MBNL1: variants seen among roughly 807,000 people sequenced by gnomAD.
MBNL1 encodes the protein muscleblind-like protein 1.
In MBNL1, 8 loss-of-function variants were observed where a neutral mutation model predicts 42.2. The observed-to-expected ratio is 0.19, with a 90% CI of 0.11 to 0.34. The LOEUF is 0.34. MBNL1 is among the 10% of genes least tolerant of loss of function. MBNL1 has a pLI of 1.00. For synonymous variants in MBNL1, 169 were observed against 173.9 expected (o/e 0.97, Z 0.22); for missense variants, 309 against 495.3 (o/e 0.62, Z 3.57).
intron 2 of MBNL1, among the ~76,000 whole-genome samples, chr3:152,325,087 G>GCCCC (rs532842950): frequency 1.1e-3 from 17 of 15,374 alleles, no homozygotes; most frequent in African/African-American, 2.1e-3. Flanking sequence ...CCACATACCC[G>GCCCC]CCCCCCCCCG....
At chr3:152,424,065 G>T (rs1473420225) in intron 3 of MBNL1, among the ~76,000 whole-genome samples, 1 of 152,200 alleles carries the variant, frequency 6.6e-6, no homozygotes, top group Admixed American at 6.5e-5. Context: ...CATAGTATTG[G>T]AAGTTCTGGC....
intron 2 of MBNL1, among the ~76,000 whole-genome samples, chr3:152,389,581 C>T (rs1225726853): frequency 6.6e-6 from 1 of 152,112 alleles, no homozygotes; most frequent in Non-Finnish European, 1.5e-5. Flanking sequence ...TGTAACTGTA[C>T]TGAATACCAA....
intron 4 of MBNL1, among the ~76,000 whole-genome samples, chr3:152,441,535 C>T (rs1032815596): frequency 9.9e-5 from 15 of 152,134 alleles, no homozygotes; most frequent in Admixed American, 6.6e-4. Flanking sequence ...ATTTAGTTAA[C>T]AAAAGAAGGT....
At chr3:152,278,934 A>G (rs749131523) in intron 1 of MBNL1, among the ~76,000 whole-genome samples, 1 of 152,178 alleles carries the variant, frequency 6.6e-6, no homozygotes, top group Non-Finnish European at 1.5e-5. Context: ...GCAAGGCACT[A>G]TACAAGTTAG....
chr3:152,264,406 G>C (rs940869001), upstream of MBNL1: 1 of 152,022 alleles, frequency 6.6e-6, no homozygotes, highest in Non-Finnish European at 1.5e-5. Context: ...AACAGAGGAA[G>C]GAAGAACTAT....
intron 2 of MBNL1, among the ~76,000 whole-genome samples, chr3:152,373,843 T>C (rs536873379): frequency 6.6e-6 from 1 of 152,368 alleles, no homozygotes; most frequent in African/African-American, 2.4e-5. Flanking sequence ...TTATCCATGT[T>C]TACATATTTT....
chr3:152,440,372 A>G (rs1200847718), intron 4 of MBNL1, among the ~76,000 whole-genome samples: 4 of 152,226 alleles, frequency 2.6e-5, no homozygotes, highest in Admixed American at 6.5e-5. Context: ...ACAGTTCCAC[A>G]TGGCTAGGGA....
intron 1 of MBNL1, among the ~76,000 whole-genome samples, chr3:152,290,299 A>T (rs1179205732): frequency 6.6e-6 from 1 of 151,948 alleles, no homozygotes; most frequent in African/African-American, 2.4e-5. Context: ...TATTTTGGGC[A>T]GGTTTTTTTT....
chr3:152,426,191 C>T (rs1405246727), intron 3 of MBNL1, among the ~76,000 whole-genome samples: 1 of 147,424 alleles, frequency 6.8e-6, no homozygotes, highest in East Asian at 2.0e-4. Flanking sequence ...ACACTGGGGC[C>T]TCCTGGGGGT....
chr3:152,456,869 C>G (rs1734744575), intron 8 of MBNL1, among the ~76,000 whole-genome samples: 1 of 152,040 alleles, frequency 6.6e-6, no homozygotes, highest in African/African-American at 2.4e-5. Flanking sequence ...TGAGCAGATT[C>G]AAAATAAATT....
chr3:152,372,807 T>A (rs543263193), intron 2 of MBNL1, among the ~76,000 whole-genome samples: 5 of 152,356 alleles, frequency 3.3e-5, no homozygotes, highest in African/African-American at 9.6e-5. Flanking sequence ...AGTCTGTCCC[T>A]TAGCAGAGTT....
chr3:152,300,105 C>G lies in MBNL1; in HGVS notation c.-89C>G. ...TGAGGGGACATTTTCATCATCAGTT[C>G]AGCTTTTTTTTTTTGGTTGTTGCTC... On this transcript the variant is annotated 5_prime_UTR_variant, in exon 2 of 10. Transcript: ENST00000324210. The G allele has an allele frequency of 1.3e-6, 1 of 794,378 alleles. No individual in the cohort carries two copies. Among genetic ancestry groups the G allele is most frequent in the Non-Finnish European group, 2.0e-6 (1 of 502,266 alleles). 49.2% of individuals were successfully genotyped at this position (794,378 alleles called of 1,614,324 possible).
At chr3:152,351,901 A>G (rs1261375332) in intron 2 of MBNL1, among the ~76,000 whole-genome samples, 1 of 152,224 alleles carries the variant, frequency 6.6e-6, no homozygotes, top group Non-Finnish European at 1.5e-5. Flanking sequence ...TGGAGATTCA[A>G]AAGTACTTAG....
At chr3:152,307,190 G>A (rs1052636115) in intron 2 of MBNL1, among the ~76,000 whole-genome samples, 3 of 152,058 alleles carry the variant, frequency 2.0e-5, no homozygotes, top group African/African-American at 7.2e-5. Flanking sequence ...GGGTTTCACC[G>A]TGTTGGCCAG....
chr3:152,247,798 A>G (rs2033475715), intron 2 of MBNL1, among the ~76,000 whole-genome samples: 1 of 151,602 alleles, frequency 6.6e-6, no homozygotes, highest in South Asian at 2.1e-4. Flanking sequence ...TTTGCTTTTA[A>G]TATTATGGGG....
chr3:152,416,044 G>A (rs2098697021), intron 3 of MBNL1, among the ~76,000 whole-genome samples: 1 of 152,152 alleles, frequency 6.6e-6, no homozygotes, highest in African/African-American at 2.4e-5. Context: ...ATGCAGTATC[G>A]TGGGGTCATG....
In MBNL1 at chr3:152,455,538, G is replaced by A; in HGVS notation, c.962-4G>A. 2 of 1,612,208 alleles carry A rather than the reference G, an allele frequency of 1.2e-6. No homozygotes were observed. The highest frequency in any genetic ancestry group is 1.7e-6 in the Non-Finnish European group (2 of 1,178,734). On this transcript the variant is annotated splice_polypyrimidine_tract_variant and splice_region_variant and intron_variant, in intron 6 of 9. Coordinates refer to ENST00000324210, the MANE Select transcript of MBNL1 (RefSeq NM_021038.5). ...ACCTTCCTGTTGCAATGCATGATGG[G>A]CAGGCTCAATATTGTGCATGACACC...
At chr3:152,294,678 C>T (rs1225564826) in intron 1 of MBNL1, among the ~76,000 whole-genome samples, 5 of 151,986 alleles carry the variant, frequency 3.3e-5, no homozygotes, top group African/African-American at 1.2e-4. Flanking sequence ...AGCAATGTAC[C>T]CATTAGTAGA....
chr3:152,347,079 G>GATTGAGAT (rs1237054576), intron 2 of MBNL1, among the ~76,000 whole-genome samples: 3 of 151,964 alleles, frequency 2.0e-5, no homozygotes, highest in African/African-American at 7.2e-5. Flanking sequence ...AGGATTGAGA[G>GATTGAGAT]ATTGAGCTCA....
Sources: gnomAD v4.1 joint callset for allele counts (sites outside exome capture counted in the v4.1 genomes callset) on GRCh38, gnomAD v4.1.1 for gene constraint, MANE v1.5 for transcripts, NCBI Gene and HGNC (gene_info 2026-07-23, HGNC 2026-07-21) for gene names.